ERO1A: variants seen among roughly 807,000 people sequenced by gnomAD.
ERO1A encodes endoplasmic reticulum oxidoreductase 1 alpha, also known as ERO1-like protein alpha.
In ERO1A, 49 loss-of-function variants were observed where a neutral mutation model predicts 76.9. The ratio of observed to expected loss-of-function variants is 0.64; its 90% CI spans 0.51 to 0.81. The LOEUF (loss-of-function observed/expected upper bound fraction) is 0.81, where lower values mean the gene tolerates loss of function less well. Ranked by LOEUF, ERO1A falls within the 30% of genes least tolerant of loss-of-function variation. The pLI is 0.00. For missense variants in ERO1A, 448 were observed against 542.1 expected (o/e 0.83, Z 1.72); for synonymous variants, 174 against 181.2 (o/e 0.96, Z 0.32).
At chr14:52,671,727 C>T (rs879577894) in intron 5 of ERO1A, 24 bp from the exon 6 acceptor site, 174 of 1,576,920 alleles carry the variant, frequency 1.1e-4, no homozygotes, top group Non-Finnish European at 1.5e-4. Context: ...AAAAAAATAA[C>T]ATTATTATTT....
intron 15 of ERO1A, among the ~76,000 whole-genome samples, chr14:52,645,326 G>A (rs2039612530): frequency 7.9e-6 from 1 of 125,936 alleles, no homozygotes; most frequent in Non-Finnish European, 1.6e-5. Context: ...TTTTTGAGAT[G>A]ATGTCTTGCT....
intron 6 of ERO1A, 84 bp downstream of exon 6, chr14:52,671,546 C>T: frequency 1.1e-6 from 1 of 930,442 alleles, no homozygotes; most frequent in South Asian, 1.7e-5. Context: ...AGGCACACCA[C>T]CATGCCCAGA....
intron 4 of ERO1A, among the ~76,000 whole-genome samples, chr14:52,675,275 C>A (rs1395726990): frequency 6.6e-6 from 1 of 151,664 alleles, no homozygotes; most frequent in African/African-American, 2.4e-5. Flanking sequence ...CCCAGCTACT[C>A]GGGAGGCTGA....
intron 13 of ERO1A, 27 bp downstream of exon 13, chr14:52,652,212 T>C: frequency 7.5e-7 from 1 of 1,329,138 alleles, no homozygotes; most frequent in South Asian, 1.2e-5. Flanking sequence ...TCAGTTTGTA[T>C]CTAACAGTTA....
intron 3 of ERO1A, among the ~76,000 whole-genome samples, chr14:52,682,059 A>G (rs1278822565): frequency 3.9e-5 from 6 of 152,170 alleles, no homozygotes; most frequent in Admixed American, 3.9e-4. Flanking sequence ...TATTTAAACT[A>G]AGGACTGCAC....
At chr14:52,692,259 A>G (rs1486780399) in intron 1 of ERO1A, among the ~76,000 whole-genome samples, 1 of 152,202 alleles carries the variant, frequency 6.6e-6, no homozygotes, top group African/African-American at 2.4e-5. Flanking sequence ...AGTAGGTTTC[A>G]ACATATGCTT....
rs1594816267 is a variant in ERO1A, at chr14:52,642,627, G to A, written c.*943C>T. 6.6e-6 allele frequency: 1 copy of A among 151,964 alleles called. No homozygotes were observed. The highest frequency in any genetic ancestry group is 1.9e-4 in the East Asian group (1 of 5,180). The allele number at this position is 151,964 out of a possible 1,614,324, so 9.4% of individuals were successfully genotyped here. A position where few individuals can be genotyped will look rare whatever the true frequency, so the allele number is the denominator to read the frequency against. ...TATAACTGACTTTCAAATGATTGAG[G>A]AAAAATTTGTGTGTGTGTGTGTGTG... On this transcript the variant is annotated 3_prime_UTR_variant, in exon 16 of 16. Transcript: ENST00000395686.
Position 52,695,424 on chromosome 14 carries a change from A to G in ERO1A, c.58T>C (p.Ser20Pro). The change falls in exon 1 of 16, where the codon TCG becomes CCG. Residue 20 changes from serine (S) to proline (P), a missense_variant. Around this residue, in one of 2 missense-constraint regions of ERO1A, gnomAD observed 146 missense variants for 130.2 expected, o/e 1.12. Transcript: ENST00000395686. ...GLLGAVWLLS[S>P]GHGEEQPPET... is the part of the protein sequence containing the mutation. ...GGGGGCTGCTCCTCTCCGTGGCCCG[A>G]GCTGAGCAGCCACACGGCGCCCAGG... 6.4e-7 allele frequency: 1 copy of G among 1,553,008 alleles called. No homozygotes were observed. Among genetic ancestry groups the G allele is most frequent in the Non-Finnish European group, 8.7e-7 (1 of 1,149,652 alleles).
At chr14:52,669,351 A>G (rs1045501975) in intron 6 of ERO1A, among the ~76,000 whole-genome samples, 16 of 152,122 alleles carry the variant, frequency 1.1e-4, no homozygotes, top group African/African-American at 3.9e-4. Flanking sequence ...TGGAGGACTA[A>G]AAAAAATTAT....
At chr14:52,665,355 T>C (rs2040378509) in intron 7 of ERO1A, among the ~76,000 whole-genome samples, 1 of 150,100 alleles carries the variant, frequency 6.7e-6, no homozygotes, top group Non-Finnish European at 1.5e-5. Context: ...CAAACATTTC[T>C]AATAATAGTC....
At position 52,642,889 on chromosome 14, in the gene ERO1A, TAC is replaced by T. The variant is rs1279326494; in HGVS notation, c.*679_*680del. On this transcript the variant is annotated 3_prime_UTR_variant, in exon 16 of 16. Coordinates refer to ENST00000395686, the MANE Select transcript of ERO1A (RefSeq NM_014584.3). ...CCTTTGAGTTGTTATTGTACGTTTC[TAC>T]ACACAAAAACAACCCAATCAAAATA... The T allele has an allele frequency of 5.2e-5, 8 of 152,722 alleles. No individual in the cohort carries two copies. The East Asian group carries it at 1.5e-3, about 29-fold the overall frequency. 9.5% of individuals were successfully genotyped at this position (152,722 alleles called of 1,614,324 possible).
intron 1 of ERO1A, among the ~76,000 whole-genome samples, chr14:52,691,791 C>T (rs1477528413): frequency 6.6e-6 from 1 of 152,176 alleles, no homozygotes; most frequent in Non-Finnish European, 1.5e-5. Context: ...ATTGATAAAA[C>T]ATCATGAGCA....
At chr14:52,686,412 G>C (rs963078934) in intron 1 of ERO1A, among the ~76,000 whole-genome samples, 1 of 152,074 alleles carries the variant, frequency 6.6e-6, no homozygotes, top group African/African-American at 2.4e-5. Context: ...AAGCAGCAAA[G>C]GTAAACACCT....
chr14:52,644,434 CATAAGT>C (rs2039575673), intron 15 of ERO1A, among the ~76,000 whole-genome samples: 1 of 152,084 alleles, frequency 6.6e-6, no homozygotes, highest in Admixed American at 6.6e-5. Flanking sequence ...CAATCAAATA[CATAAGT>C]ATGAGATACA....
rs138408849 is a variant in ERO1A at position 52,678,440 on chromosome 14, G to C, written c.351C>G (p.Ser117Arg). Residue 117 changes from serine (S) to arginine (R), a missense_variant, in exon 4 of 16, where the codon AGC becomes AGG. Physicochemically the swap from Ser to Arg is moderately radical, Grantham distance 110 (BLOSUM62 -1). Around this residue, in one of 2 missense-constraint regions of ERO1A, gnomAD observed 302 missense variants for 411.9 expected, o/e 0.73. Transcript: ENST00000395686. ...AATAGGTATACGTACACACCTTGTA[G>C]CTCGCAGATTTAATTCCATCAGGAA... ...DEVPDGIKSA[S>R]YKYSEEANNL... The C allele has an allele frequency of 4.3e-6, 7 of 1,613,048 alleles. No homozygotes were observed. Among genetic ancestry groups the C allele is most frequent in the Non-Finnish European group, 5.1e-6 (6 of 1,179,568 alleles).
At chr14:52,650,993 GT>G (rs1037172520) in intron 13 of ERO1A, among the ~76,000 whole-genome samples, 31 of 152,206 alleles carry the variant, frequency 2.0e-4, no homozygotes, top group Middle Eastern at 6.8e-3. Context: ...ACGGCAGGGG[GT>G]GCAATGGCTC....
rs772026318 is a variant in ERO1A, at chr14:52,646,242, A to G, written c.1258T>C (p.Leu420=). ...TALKILFSEK[L]IANMPESGPS... is the part of the protein sequence containing the mutation. The stretch of plus-strand genomic sequence containing the variant: ...CCACTTTCTGGCATATTTGCTATCA[A>G]TTTCTCAGAAAATAAGATCTTCAGA... The change falls in exon 15 of 16, where the codon TTG becomes CTG. Residue 420 remains leucine (L), a synonymous_variant. Transcript: ENST00000395686. The G allele has an allele frequency of 1.1e-5, 17 of 1,613,848 alleles. No individual in the cohort carries two copies. The highest frequency in any genetic ancestry group is 5.0e-5 in the Admixed American group (3 of 59,976).
rs2040104810 is a variant in ERO1A, at chr14:52,657,948, A to G, written c.777T>C (p.Asn259=). The part of the protein sequence containing the change: ...RLISGLHASI[N]VHLSARYLLQ... ...AAAGATATCTTGCACTCAAATGCAC[A>G]TTAATGCTTGCATGTAGGCCAGATA... Residue 259 remains asparagine, a synonymous_variant, in exon 11 of 16, where the codon AAT becomes AAC. Coordinates refer to ENST00000395686, the MANE Select transcript of ERO1A (RefSeq NM_014584.3). The G allele has an allele frequency of 2.5e-6, 4 of 1,612,500 alleles. No individual in the cohort carries two copies. The highest frequency in any genetic ancestry group is 3.4e-6 in the Non-Finnish European group (4 of 1,179,178).
At chr14:52,655,623 T>G (rs2040018004) in intron 11 of ERO1A, among the ~76,000 whole-genome samples, 1 of 152,148 alleles carries the variant, frequency 6.6e-6, no homozygotes, top group African/African-American at 2.4e-5. Flanking sequence ...ATATTACAAC[T>G]CAGAGGAATT....
Sources: gnomAD v4.1 joint callset for allele counts (sites outside exome capture counted in the v4.1 genomes callset) on GRCh38, gnomAD v4.1.1 for gene constraint, gnomAD v4.1.1 regional missense constraint, MANE v1.5 for transcripts, NCBI Gene and HGNC (gene_info 2026-07-23, HGNC 2026-07-21) for gene names.